TICRR: variants seen among roughly 807,000 people sequenced by gnomAD.
TICRR encodes the protein TOPBP1 interacting checkpoint and replication regulator, also known as treslin.
Under a neutral mutation model 178.1 loss-of-function variants are expected in TICRR, and 132 were observed. The observed-to-expected ratio is 0.74, with a 90% CI of 0.64 to 0.86. The LOEUF is 0.86. Among genes scored for constraint, TICRR ranks in the 40% least tolerant of loss-of-function variants. TICRR has a pLI of 0.00. For missense variants in TICRR, 2,587 were observed against 2,334.3 expected (o/e 1.11, Z -2.23); for synonymous variants, 991 against 900.7 (o/e 1.10, Z -1.79).
At chr15:89,595,016 C>T (rs1962973399) in intron 6 of TICRR, among the ~76,000 whole-genome samples, 1 of 152,122 alleles carries the variant, frequency 6.6e-6, no homozygotes, top group African/African-American at 2.4e-5. Context: ...GTTACTGTGT[C>T]AGGGTATGAA....
intron 2 of TICRR, among the ~76,000 whole-genome samples, chr15:89,583,889 G>A (rs1456034044): frequency 6.6e-6 from 1 of 152,072 alleles, no homozygotes; most frequent in Non-Finnish European, 1.5e-5. Context: ...GTTTTGCCTT[G>A]ATGCCCAGGC....
chr15:89,626,903 T>G, intron 21 of TICRR, 53 bp from the exon 22 acceptor site: 1 of 1,583,840 alleles, frequency 6.3e-7, no homozygotes, highest in African/African-American at 1.4e-5. Flanking sequence ...CCAATTTTTT[T>G]CAGTTCGGTC....
At chr15:89,579,129 T>C (rs1962677797) in intron 1 of TICRR, among the ~76,000 whole-genome samples, 1 of 152,192 alleles carries the variant, frequency 6.6e-6, no homozygotes, top group South Asian at 2.1e-4. Flanking sequence ...TTTTCAACTT[T>C]ATGCCTTAGA....
intron 17 of TICRR, 50 bp from the exon 18 acceptor site, chr15:89,619,658 G>A (rs559644794): frequency 1.9e-6 from 3 of 1,559,638 alleles, no homozygotes; most frequent in Non-Finnish European, 2.6e-6. Context: ...ATGAGAAAAT[G>A]TCAAGCTTGT....
At chr15:89,626,855 T>TAA in intron 21 of TICRR, 101 bp from the exon 22 acceptor site, 1 of 1,340,796 alleles carries the variant, frequency 7.5e-7, no homozygotes, top group African/African-American at 1.5e-5. Context: ...CTGATTTTCT[T>TAA]AAAGTCTGTT....
chr15:89,619,901 T>G, intron 18 of TICRR, 59 bp downstream of exon 18: 1 of 1,541,222 alleles, frequency 6.5e-7, no homozygotes, highest in Non-Finnish European at 8.7e-7. Context: ...GAAGTGTTTT[T>G]GGGAAAAGAA....
chr15:89,594,028 A>G (rs1235198748), intron 5 of TICRR, among the ~76,000 whole-genome samples: 1 of 152,236 alleles, frequency 6.6e-6, no homozygotes, highest in Non-Finnish European at 1.5e-5. Context: ...ATTCGAAGTC[A>G]TTGCAATACT....
At chr15:89,626,762 C>T (rs1963535401) in intron 21 of TICRR, among the ~76,000 whole-genome samples, 194 bp from the exon 22 acceptor site, 1 of 152,200 alleles carries the variant, frequency 6.6e-6, no homozygotes, top group Admixed American at 6.5e-5. Flanking sequence ...TTGCTGCCAG[C>T]ACGGTGCATA....
intron 17 of TICRR, 131 bp downstream of exon 17, chr15:89,618,341 G>T: frequency 1.3e-6 from 1 of 791,510 alleles, no homozygotes; most frequent in Non-Finnish European, 2.2e-6. Context: ...CCACAATGCA[G>T]CTCAGTAAAT....
At chr15:89,589,313 G>T (rs962580159) in intron 4 of TICRR, among the ~76,000 whole-genome samples, 2 of 152,168 alleles carry the variant, frequency 1.3e-5, no homozygotes, top group Admixed American at 1.3e-4. Context: ...CTGTGAGTTT[G>T]GGGGGTAAGA....
chr15:89,582,681 T>G lies in TICRR; in HGVS notation c.655-5T>G. ...AACCTAAGGTTGTTTGTCGTTTTAT[T>G]TTAGTTGTGGGAATCCCCAGACCAC... On this transcript the variant is annotated splice_region_variant and splice_polypyrimidine_tract_variant and intron_variant, in intron 1 of 21. Coordinates refer to ENST00000268138, the MANE Select transcript of TICRR (RefSeq NM_152259.4). 1 of 1,610,628 alleles carries G rather than the reference T, an allele frequency of 6.2e-7. No individual in the cohort carries two copies. The highest frequency in any genetic ancestry group is 8.5e-7 in the Non-Finnish European group (1 of 1,177,488).
chr15:89,604,768 C>CCA (rs1555421227), intron 13 of TICRR, among the ~76,000 whole-genome samples: 27 of 106,568 alleles, frequency 2.5e-4, no homozygotes, highest in Admixed American at 6.1e-4. Flanking sequence ...GAGACTCTGT[C>CCA]AAAAAAAAAA....
At chr15:89,623,087 A>G (rs2141983335) in intron 19 of TICRR, among the ~76,000 whole-genome samples, 1 of 152,310 alleles carries the variant, frequency 6.6e-6, no homozygotes, top group South Asian at 2.1e-4. Context: ...TTTTTGCAAG[A>G]AGGCAGGGAA....
chr15:89,592,046 G>A lies in TICRR; in HGVS notation c.1412-1G>A, dbSNP rs1322482100. On this transcript the variant is annotated splice_acceptor_variant, in intron 4 of 21. Transcript: ENST00000268138. LOFTEE classifies it high-confidence loss of function. ...CTGCCGCTGCTCCTTTGCTCCAATA[G>A]CTTCTCCTGTTCCAGAGTGGGCCCA... 6.2e-7 allele frequency: 1 copy of A among 1,605,418 alleles called. No homozygotes were observed.
Position 89,582,617 on chromosome 15 carries a change from A to G in TICRR, c.655-69A>G, listed in dbSNP as rs1349093159. ...TTGGTATCAACTTTACTTTCTCCTGATTTCCTTTACTTTTATTTGTGAATG... is the reference window on the plus strand; with the variant it reads ...TTGGTATCAACTTTACTTTCTCCTGGTTTCCTTTACTTTTATTTGTGAATG... On this transcript the variant is annotated intron_variant, in intron 1 of 21. Coordinates refer to ENST00000268138, the MANE Select transcript of TICRR (RefSeq NM_152259.4). 5 of 1,436,092 alleles carry G rather than the reference A, an allele frequency of 3.5e-6. No individual in the cohort carries two copies. The East Asian group carries it at 1.1e-4, about 33-fold the overall frequency. The allele number at this position is 1,436,092 out of a possible 1,614,324, so 89.0% of individuals were successfully genotyped here.
chr15:89,608,802 G>C lies in TICRR; in HGVS notation c.2723-1G>C, dbSNP rs762755606. On this transcript the variant is annotated splice_acceptor_variant, in intron 14 of 21. Transcript: ENST00000268138. LOFTEE classifies it high-confidence loss of function. ...TTTCTTTTAATTTTTGATGCTTTCA[G>C]AAGTGACCAAAGTTCGAAGAAATCT... 14 of 1,598,888 alleles carry C rather than the reference G, an allele frequency of 8.8e-6. No homozygotes were observed. The highest frequency in any genetic ancestry group is 1.0e-5 in the Non-Finnish European group (12 of 1,174,940).
chr15:89,620,200 T>C (rs1324476933), intron 18 of TICRR, among the ~76,000 whole-genome samples: 1 of 152,160 alleles, frequency 6.6e-6, no homozygotes, highest in Non-Finnish European at 1.5e-5. Flanking sequence ...TGCTAATAGA[T>C]TTGTGTTTCT....
intron 20 of TICRR, 47 bp from the exon 21 acceptor site, chr15:89,625,889 G>C (rs199510924): frequency 1.9e-6 from 3 of 1,543,698 alleles, no homozygotes; most frequent in Non-Finnish European, 2.6e-6. Flanking sequence ...TGGGCTTCCC[G>C]GTTGGGGGTC....
intron 5 of TICRR, among the ~76,000 whole-genome samples, chr15:89,593,176 A>G (rs1187302657): frequency 1.3e-5 from 2 of 152,186 alleles, no homozygotes; most frequent in Non-Finnish European, 2.9e-5. Context: ...TTGAAACTCT[A>G]GGAGTGCATT....
Sources: allele counts gnomAD v4.1 joint callset (sites outside exome capture counted in the v4.1 genomes callset), GRCh38; gene constraint gnomAD v4.1.1; transcripts MANE v1.5; gene names NCBI Gene and HGNC (gene_info 2026-07-23, HGNC 2026-07-21).